Variants in SIPA1L3 observed in about 807,000 individuals in gnomAD.
The protein encoded by SIPA1L3 is signal-induced proliferation-associated 1-like protein 3.
SIPA1L3 carries 59 observed loss-of-function variants against 150.1 expected under a neutral mutation model. That is an observed-to-expected ratio of 0.39 (90% CI 0.32 to 0.49). The LOEUF is 0.49. Among genes scored for constraint, SIPA1L3 ranks in the 20% least tolerant of loss-of-function variants. The pLI is 0.86. For missense variants in SIPA1L3, 2,211 were observed against 2,489.5 expected (o/e 0.89, Z 2.38); for synonymous variants, 1,070 against 1,077.6 (o/e 0.99, Z 0.14).
chr19:37,928,304 C>T (rs927935922), intron 1 of SIPA1L3, among the ~76,000 whole-genome samples: 2 of 152,138 alleles, frequency 1.3e-5, no homozygotes, highest in Non-Finnish European at 2.9e-5. Context: ...GGTGTGGTGG[C>T]TCACATCTGT....
chr19:38,145,658 G>A (rs572163308), intron 12 of SIPA1L3, among the ~76,000 whole-genome samples: 7 of 152,122 alleles, frequency 4.6e-5, no homozygotes, highest in Non-Finnish European at 4.4e-5. Context: ...GTTGACATGG[G>A]TACAGGCCTA....
At chr19:37,979,817 T>C (rs1178931226) in intron 1 of SIPA1L3, among the ~76,000 whole-genome samples, 1 of 152,250 alleles carries the variant, frequency 6.6e-6, no homozygotes, top group East Asian at 1.9e-4. Context: ...TCAGCACTTT[T>C]CTTGCGTGCT....
chr19:38,106,710 G>A (rs1284410864), intron 7 of SIPA1L3, 70 bp downstream of exon 7: 3 of 1,024,022 alleles, frequency 2.9e-6, no homozygotes, highest in East Asian at 4.8e-5. Flanking sequence ...GGCCCTCCCA[G>A]TTCTGTCCTG....
intron 4 of SIPA1L3, among the ~76,000 whole-genome samples, chr19:38,092,811 G>T (rs1970290886): frequency 6.6e-6 from 1 of 152,054 alleles, no homozygotes; most frequent in African/African-American, 2.4e-5. Flanking sequence ...ACAAGGTGGG[G>T]GACAAAGCAA....
intron 15 of SIPA1L3, among the ~76,000 whole-genome samples, chr19:38,168,129 A>G (rs779472176): frequency 7.9e-5 from 12 of 152,106 alleles, no homozygotes; most frequent in Non-Finnish European, 1.3e-4. Flanking sequence ...GCTCACGCCT[A>G]TAAACCCAGC....
chr19:37,953,383 C>T (rs929226162), intron 1 of SIPA1L3, among the ~76,000 whole-genome samples: 12 of 152,156 alleles, frequency 7.9e-5, no homozygotes, highest in Non-Finnish European at 1.2e-4. Context: ...GTGTGTACCT[C>T]CCCAGGTAAC....
At chr19:38,096,093 A>G (rs1425250152) in intron 4 of SIPA1L3, among the ~76,000 whole-genome samples, 1 of 152,178 alleles carries the variant, frequency 6.6e-6, no homozygotes, top group Non-Finnish European at 1.5e-5. Context: ...AAGTGGGATC[A>G]TTCTATTCCT....
At chr19:38,011,045 T>C (rs1417135327) in intron 1 of SIPA1L3, among the ~76,000 whole-genome samples, 1 of 152,200 alleles carries the variant, frequency 6.6e-6, no homozygotes, top group East Asian at 1.9e-4. Flanking sequence ...TATTTTTTCT[T>C]AGAGCTGCTA....
At chr19:38,038,653 G>A (rs1968844843) in intron 2 of SIPA1L3, among the ~76,000 whole-genome samples, 1 of 149,786 alleles carries the variant, frequency 6.7e-6, no homozygotes, top group Non-Finnish European at 1.5e-5. Context: ...AAAGAAACCC[G>A]CTTCTTTGAC....
intron 1 of SIPA1L3, among the ~76,000 whole-genome samples, chr19:37,959,142 T>C (rs2046835971): frequency 1.3e-5 from 2 of 152,208 alleles, no homozygotes; most frequent in Admixed American, 6.5e-5. Flanking sequence ...AATATATACA[T>C]AGAGTTACCA....
intron 16 of SIPA1L3, chr19:38,184,314 G>C (rs570504390): frequency 6.6e-6 from 1 of 152,360 alleles, no homozygotes; most frequent in East Asian, 1.9e-4. Context: ...GAGAAGCTGG[G>C]ATTACAGGCA....
intron 6 of SIPA1L3, among the ~76,000 whole-genome samples, chr19:38,103,350 G>A (rs1970550129): frequency 6.6e-6 from 1 of 151,972 alleles, no homozygotes; most frequent in Non-Finnish European, 1.5e-5. Context: ...TATGGGGCTG[G>A]GCGCAATGGC....
At chr19:38,027,260 C>T (rs945612226) in intron 1 of SIPA1L3, among the ~76,000 whole-genome samples, 2 of 152,122 alleles carry the variant, frequency 1.3e-5, no homozygotes, top group African/African-American at 2.4e-5. Context: ...TGTACTCCAG[C>T]CTGGGCAGTA....
chr19:37,909,396 T>C (rs149978691), intron 1 of SIPA1L3, among the ~76,000 whole-genome samples: 2,063 of 151,630 alleles, frequency 0.014, 42 homozygotes, highest in African/African-American at 0.046. Flanking sequence ...TTAGTAGAGA[T>C]GGGGTTTTCA....
chr19:38,119,164 C>T (rs1970957776), intron 8 of SIPA1L3, 142 bp from the exon 9 acceptor site: 2 of 803,140 alleles, frequency 2.5e-6, no homozygotes, highest in African/African-American at 1.7e-5. Flanking sequence ...CCATTGCACT[C>T]CAGCCTGGGT....
intron 12 of SIPA1L3, among the ~76,000 whole-genome samples, chr19:38,144,157 G>A (rs1056542170): frequency 1.3e-5 from 2 of 152,200 alleles, no homozygotes; most frequent in Non-Finnish European, 2.9e-5. Context: ...GCAAGGCACT[G>A]CCCCCCAATT....
At chr19:38,095,666 G>T (rs1463798212) in intron 4 of SIPA1L3, among the ~76,000 whole-genome samples, 1 of 152,204 alleles carries the variant, frequency 6.6e-6, no homozygotes, top group Non-Finnish European at 1.5e-5. Flanking sequence ...GAGACCTGGA[G>T]GAGGCTGCTG....
chr19:38,107,466 A>C (rs1970648942), intron 7 of SIPA1L3, among the ~76,000 whole-genome samples: 1 of 152,204 alleles, frequency 6.6e-6, no homozygotes, highest in South Asian at 2.1e-4. Flanking sequence ...ACTCATTGCC[A>C]AGAGGCTGCA....
intron 4 of SIPA1L3, among the ~76,000 whole-genome samples, chr19:38,090,827 C>G (rs1397950381): frequency 6.6e-6 from 1 of 152,222 alleles, no homozygotes; most frequent in Non-Finnish European, 1.5e-5. Flanking sequence ...CTCGCCCCAT[C>G]CCCTGACCAA....
Sources: allele counts gnomAD v4.1 joint callset (sites outside exome capture counted in the v4.1 genomes callset), GRCh38; gene constraint gnomAD v4.1.1; transcripts MANE v1.5; gene names NCBI Gene and HGNC (gene_info 2026-07-23, HGNC 2026-07-21).